MALRD1: variants seen among roughly 807,000 people sequenced by gnomAD.
MALRD1 encodes MAM and LDL receptor class A domain containing 1, also known as MAM and LDL-receptor class A domain-containing protein 1.
MALRD1 carries 247 observed loss-of-function variants against 242.1 expected under a neutral mutation model. That is an observed-to-expected ratio of 1.02 (90% confidence interval 0.92 to 1.13). The LOEUF is 1.13. Among genes scored for constraint, MALRD1 ranks in the 50% most tolerant of loss-of-function variants. The probability of loss-of-function intolerance (pLI) is 0.00; values close to 1 mark genes in which losing one functional copy is unlikely to be tolerated. For synonymous variants in MALRD1, 995 were observed against 866.6 expected (o/e 1.15, Z -2.60); for missense variants, 2,989 against 2,533.1 (o/e 1.18, Z -3.86).
intron 32 of MALRD1, among the ~76,000 whole-genome samples, chr10:19,553,632 A>C (rs1835590576): frequency 1.3e-5 from 2 of 152,294 alleles, no homozygotes; most frequent in East Asian, 1.9e-4. Flanking sequence ...TGATCAAATA[A>C]ATTTTATTAC....
chr10:19,503,928 A>G (rs2131265075), intron 31 of MALRD1, among the ~76,000 whole-genome samples: 1 of 152,322 alleles, frequency 6.6e-6, no homozygotes, highest in East Asian at 1.9e-4. Context: ...ATGTTTGGTA[A>G]ATAACTATGG....
At chr10:19,412,652 C>T (rs1833323726) in intron 28 of MALRD1, among the ~76,000 whole-genome samples, 1 of 152,174 alleles carries the variant, frequency 6.6e-6, no homozygotes, top group Admixed American at 6.5e-5. Flanking sequence ...AACTTAAACA[C>T]ACAGCCTCCT....
intron 24 of MALRD1, among the ~76,000 whole-genome samples, chr10:19,346,092 C>T (rs1276881588): frequency 6.6e-6 from 1 of 152,026 alleles, no homozygotes; most frequent in Non-Finnish European, 1.5e-5. Flanking sequence ...GCCTCATATG[C>T]TTTCATATTC....
At chr10:19,197,577 C>T (rs997891814) in intron 14 of MALRD1, among the ~76,000 whole-genome samples, 3 of 152,154 alleles carry the variant, frequency 2.0e-5, no homozygotes, top group Non-Finnish European at 4.4e-5. Context: ...GGCTTTGTCC[C>T]TGTGATTCCC....
chr10:19,165,932 C>T (rs868377801), intron 13 of MALRD1, 122 bp downstream of exon 13: 26 of 649,126 alleles, frequency 4.0e-5, no homozygotes, highest in Middle Eastern at 9.4e-4. Context: ...GAAATTAATA[C>T]AATGCAACAG....
intron 31 of MALRD1, among the ~76,000 whole-genome samples, chr10:19,512,973 T>G (rs985646178): frequency 4.6e-5 from 7 of 152,178 alleles, no homozygotes; most frequent in African/African-American, 9.7e-5. Context: ...TTTACTTAAT[T>G]TTAAATAACA....
intron 36 of MALRD1, among the ~76,000 whole-genome samples, chr10:19,660,056 TTC>T (rs1263269338): frequency 6.6e-6 from 1 of 152,148 alleles, no homozygotes; most frequent in Admixed American, 6.6e-5. Flanking sequence ...TGGGCCGTGT[TTC>T]TCTCTGGGGG....
At chr10:19,577,252 G>A (rs1334465224) in intron 33 of MALRD1, among the ~76,000 whole-genome samples, 1 of 152,058 alleles carries the variant, frequency 6.6e-6, no homozygotes, top group Non-Finnish European at 1.5e-5. Context: ...TTCACTTATT[G>A]GATTATAGAA....
Position 19,435,250 on chromosome 10 carries a change from G to A in MALRD1, c.4846-15057G>A, listed in dbSNP as rs112970927. Among the ~76,000 whole-genome samples, 396 of 151,886 alleles carry A rather than the reference G, an allele frequency of 2.6e-3. 3 individuals are homozygous for A. Among genetic ancestry groups the A allele is most frequent in the African/African-American group, 8.0e-3 (332 of 41,470 alleles). ...ACAGTTTCAGATTGAGGTAATTATT[G>A]CAAAGATAGTACAGGGAGTTCCTGT... On this transcript the variant is annotated intron_variant, in intron 28 of 39. Transcript: ENST00000454679.
rs183847648 is a variant in MALRD1, at chr10:19,144,812, T to C, written c.1412-1386T>C. Among the ~76,000 whole-genome samples, 8 of 145,752 alleles carry C rather than the reference T, an allele frequency of 5.5e-5. No homozygotes were observed. The East Asian group carries it at 1.4e-3, about 25-fold the overall frequency. On this transcript the variant is annotated intron_variant, in intron 10 of 39. Coordinates refer to ENST00000454679, the MANE Select transcript of MALRD1 (RefSeq NM_001142308.3). The stretch of plus-strand genomic sequence containing the variant: ...TCCAATTTTCTCTTTTAGGAAATGG[T>C]ATTTACTATGTAGAGTGTTAAGAAT...
chr10:19,167,189 C>A (rs188244537), intron 13 of MALRD1, among the ~76,000 whole-genome samples: 1 of 151,902 alleles, frequency 6.6e-6, no homozygotes, highest in African/African-American at 2.4e-5. Flanking sequence ...GAAACCCCAC[C>A]TCTACAAAAA....
At chr10:19,458,801 C>T (rs893436195) in intron 29 of MALRD1, among the ~76,000 whole-genome samples, 1 of 152,014 alleles carries the variant, frequency 6.6e-6, no homozygotes, top group Non-Finnish European at 1.5e-5. Flanking sequence ...GGCCTTATAT[C>T]CCAGATAGTA....
chr10:19,135,173 G>A (rs966461723), intron 9 of MALRD1, among the ~76,000 whole-genome samples: 10 of 152,060 alleles, frequency 6.6e-5, no homozygotes, highest in African/African-American at 2.4e-4. Context: ...TTGTTTGTTT[G>A]AAATGGAGTC....
chr10:19,551,174 A>G (rs750076361), intron 32 of MALRD1, among the ~76,000 whole-genome samples: 7 of 151,980 alleles, frequency 4.6e-5, no homozygotes, highest in Non-Finnish European at 1.5e-5. Context: ...TTGTTCCTAT[A>G]AACTTAAGTT....
At chr10:19,243,986 A>G (rs764977832) in intron 18 of MALRD1, among the ~76,000 whole-genome samples, 125 of 152,194 alleles carry the variant, frequency 8.2e-4, no homozygotes, top group Admixed American at 4.8e-3. Context: ...TAAGATTCCT[A>G]TGAATTATAT....
At chr10:19,228,015 A>G (rs927158512) in intron 18 of MALRD1, among the ~76,000 whole-genome samples, 4 of 152,202 alleles carry the variant, frequency 2.6e-5, no homozygotes, top group Non-Finnish European at 5.9e-5. Context: ...GGACTTCAAA[A>G]TGGTACAGAC....
chr10:19,418,878 A>T (rs1275719238), intron 28 of MALRD1, among the ~76,000 whole-genome samples: 1 of 152,130 alleles, frequency 6.6e-6, no homozygotes, highest in Non-Finnish European at 1.5e-5. Context: ...GCCTCCTTTC[A>T]TTCTAACTTC....
chr10:19,231,735 A>G (rs1226547011), intron 18 of MALRD1, among the ~76,000 whole-genome samples: 1 of 152,052 alleles, frequency 6.6e-6, no homozygotes, highest in Non-Finnish European at 1.5e-5. Context: ...TCTTTCCTTT[A>G]TAAATTACCC....
chr10:19,251,505 A>G (rs1839290817), intron 18 of MALRD1, among the ~76,000 whole-genome samples: 1 of 151,866 alleles, frequency 6.6e-6, no homozygotes, highest in Non-Finnish European at 1.5e-5. Flanking sequence ...TGCCCTGTGG[A>G]AATGGAAGGT....
Sources: gnomAD v4.1 joint callset for allele counts (sites outside exome capture counted in the v4.1 genomes callset) on GRCh38, gnomAD v4.1.1 for gene constraint, MANE v1.5 for transcripts, NCBI Gene and HGNC (gene_info 2026-07-23, HGNC 2026-07-21) for gene names.